NLRP4: variants seen among roughly 807,000 people sequenced by gnomAD.
The protein encoded by NLRP4 is NACHT, LRR and PYD domains-containing protein 4.
In NLRP4, 44 loss-of-function variants were observed where a neutral mutation model predicts 84.7. The ratio of observed to expected loss-of-function variants is 0.52; its 90% CI spans 0.41 to 0.67. The LOEUF (loss-of-function observed/expected upper bound fraction) is 0.67. Ranked by LOEUF, NLRP4 falls within the 30% of genes least tolerant of loss-of-function variation. The pLI is 0.00. For synonymous variants in NLRP4, 544 were observed against 476.4 expected (o/e 1.14, Z -1.85); for missense variants, 1,260 against 1,219.4 (o/e 1.03, Z -0.50).
At chr19:55,880,974 G>T (rs1381196194) in intron 9 of NLRP4, among the ~76,000 whole-genome samples, 1 of 152,140 alleles carries the variant, frequency 6.6e-6, no homozygotes, top group African/African-American at 2.4e-5. Context: ...CTTTATCTTT[G>T]AAAAAGTAAA....
At position 55,870,839 on chromosome 19, in the gene NLRP4, C is replaced by T. The variant is rs1985148811; in HGVS notation, c.2367C>T (p.Cys789=). ...TTTGTCCCCATAGGTTGGCTTTCTGCCACCTCAGCGAGCAGTGCTGCGAAT... is the reference window on the plus strand; with the variant it reads ...TTTGTCCCCATAGGTTGGCTTTCTGTCACCTCAGCGAGCAGTGCTGCGAAT... ...TVLVYLMLAF[C]HLSEQCCEYI... Residue 789 remains cysteine (C), a synonymous_variant, in exon 7 of 10, where the codon TGC becomes TGT. Coordinates refer to ENST00000301295, the MANE Select transcript of NLRP4 (RefSeq NM_134444.5). 2 of 1,613,140 alleles carry T rather than the reference C, an allele frequency of 1.2e-6. No individual in the cohort carries two copies. Among genetic ancestry groups the T allele is most frequent in the Non-Finnish European group, 1.7e-6 (2 of 1,179,198 alleles).
intron 5 of NLRP4, among the ~76,000 whole-genome samples, 186 bp from the exon 6 acceptor site, chr19:55,867,521 CTG>C (rs1237540920): frequency 6.6e-6 from 1 of 151,508 alleles, no homozygotes; most frequent in Non-Finnish European, 1.5e-5. Flanking sequence ...ATAACTGAGA[CTG>C]TGCATCTCAG....
chr19:55,849,976 T>C (rs373988629), intron 1 of NLRP4, among the ~76,000 whole-genome samples: 1,634 of 118,078 alleles, frequency 0.014, 28 homozygotes, highest in African/African-American at 0.019. Context: ...TTTCCGTAGC[T>C]GCGGTGTAAT....
intron 1 of NLRP4, among the ~76,000 whole-genome samples, chr19:55,841,176 G>A (rs528162699): frequency 6.6e-5 from 10 of 152,116 alleles, no homozygotes; most frequent in African/African-American, 1.9e-4. Context: ...TGAAATATCC[G>A]CCACACTGTT....
Position 55,867,893 on chromosome 19 carries a change from G to A in NLRP4, c.2354+17G>A. On this transcript the variant is annotated intron_variant, in intron 6 of 9. Coordinates refer to ENST00000301295, the MANE Select transcript of NLRP4 (RefSeq NM_134444.5). ...ATACCTGATGTGAGTGGATGTTGGG[G>A]GTGCCTACTGTGGAGGGCCATGGCG... The A allele has an allele frequency of 6.2e-7, 1 of 1,611,434 alleles. No individual in the cohort carries two copies.
chr19:55,877,557 G>C (rs1349524289), intron 8 of NLRP4, among the ~76,000 whole-genome samples: 1 of 152,170 alleles, frequency 6.6e-6, no homozygotes. Flanking sequence ...ATCTGTATCA[G>C]TTTGCCAGGG....
intron 1 of NLRP4, 44 bp from the exon 2 acceptor site, chr19:55,851,971 TC>T (rs1161493272): frequency 1.3e-5 from 10 of 791,654 alleles, no homozygotes; most frequent in Non-Finnish European, 1.9e-5. Flanking sequence ...GTAATCTTGA[TC>T]CATTTATTTG....
rs1427686455 is a variant in NLRP4 at position 55,852,274 on chromosome 19, A to C, written c.194A>C (p.Glu65Ala). 2 of 1,606,914 alleles carry C rather than the reference A, an allele frequency of 1.2e-6. No individual in the cohort carries two copies. The highest frequency in any genetic ancestry group is 8.5e-7 in the Non-Finnish European group (1 of 1,177,542). The change falls in exon 2 of 10, where the codon GAA becomes GCA. Residue 65 changes from glutamate to alanine, a missense_variant. Transcript: ENST00000301295. ...AACCTCTTGATCAAGCACTATGAAGAACAACAAGCTTGGAACATAACCTTA... is the reference window on the plus strand; with the variant it reads ...AACCTCTTGATCAAGCACTATGAAGCACAACAAGCTTGGAACATAACCTTA... Reference protein sequence around the residue: ...LANLLIKHYEEQQAWNITLRI... With the variant: ...LANLLIKHYEAQQAWNITLRI...
At chr19:55,837,251 T>G (rs1983364399) in intron 1 of NLRP4, among the ~76,000 whole-genome samples, 3 of 152,104 alleles carry the variant, frequency 2.0e-5, no homozygotes, top group Admixed American at 2.0e-4. Flanking sequence ...AAAAGATAGC[T>G]ATGGGGTCCT....
intron 1 of NLRP4, among the ~76,000 whole-genome samples, chr19:55,837,989 T>C (rs1416906643): frequency 6.8e-6 from 1 of 147,888 alleles, no homozygotes; most frequent in Non-Finnish European, 1.5e-5. Context: ...TGTGCCGAGA[T>C]TGCACCATTG....
intron 1 of NLRP4, among the ~76,000 whole-genome samples, chr19:55,840,361 T>TGG (rs1484286484): frequency 1.3e-5 from 2 of 151,140 alleles, no homozygotes; most frequent in East Asian, 3.9e-4. Flanking sequence ...TGTGTGTGTG[T>TGG]GTGTGTGTGT....
rs945498931 is a variant in NLRP4, at chr19:55,851,679, C to T, written c.-65-337C>T. ...GGCTGCGGTGTAATGTCCGAGGCTG[C>T]GGTGTAATGTCCGAGGCTGCGGTGT... On this transcript the variant is annotated intron_variant, in intron 1 of 9. Transcript: ENST00000301295. Among the ~76,000 whole-genome samples the T allele has an allele frequency of 3.4e-5, 5 of 148,152 alleles. No homozygotes were observed. The East Asian group carries it at 6.2e-4, about 18-fold the overall frequency.
intron 1 of NLRP4, among the ~76,000 whole-genome samples, chr19:55,843,552 C>T (rs1344771822): frequency 1.3e-5 from 2 of 151,822 alleles, no homozygotes; most frequent in African/African-American, 2.4e-5. Context: ...ATTAGCCAGG[C>T]GTGGTGATGG....
At chr19:55,865,215 A>C (rs1381679922) in intron 5 of NLRP4, among the ~76,000 whole-genome samples, 1 of 152,104 alleles carries the variant, frequency 6.6e-6, no homozygotes. Flanking sequence ...TTTAGCGTCC[A>C]CTTATAAGTG....
intron 7 of NLRP4, among the ~76,000 whole-genome samples, chr19:55,876,737 T>C (rs1432888495): frequency 6.6e-6 from 1 of 152,216 alleles, no homozygotes; most frequent in Non-Finnish European, 1.5e-5. Flanking sequence ...CTGTGATATG[T>C]AATACAATGT....
At chr19:55,863,035 A>G (rs1984823573) in intron 5 of NLRP4, among the ~76,000 whole-genome samples, 1 of 152,252 alleles carries the variant, frequency 6.6e-6, no homozygotes, top group Admixed American at 6.5e-5. Context: ...GACAGGCACT[A>G]AAGCATTCCC....
At chr19:55,866,388 G>A (rs1050042462) in intron 5 of NLRP4, among the ~76,000 whole-genome samples, 1 of 152,222 alleles carries the variant, frequency 6.6e-6, no homozygotes, top group Non-Finnish European at 1.5e-5. Context: ...TGGCCTCAGA[G>A]CCCTGCTGCA....
At chr19:55,839,739 G>A (rs1983536052) in intron 1 of NLRP4, among the ~76,000 whole-genome samples, 1 of 152,032 alleles carries the variant, frequency 6.6e-6, no homozygotes, top group African/African-American at 2.4e-5. Context: ...ACAGAGTCTT[G>A]TATTTTAATT....
At position 55,877,258 on chromosome 19, in the gene NLRP4, A is replaced by T. The variant is rs1382248071; in HGVS notation, c.2696+92A>T. The T allele has an allele frequency of 5.2e-6, 6 of 1,163,796 alleles. No individual in the cohort carries two copies. The African/African-American group carries it at 6.1e-5, about 12-fold the overall frequency. 72.1% of individuals were successfully genotyped at this position (1,163,796 alleles called of 1,614,324 possible). A position where few individuals can be genotyped will look rare whatever the true frequency, so the allele number is the denominator to read the frequency against. On this transcript the variant is annotated intron_variant, in intron 8 of 9. Coordinates refer to ENST00000301295, the MANE Select transcript of NLRP4 (RefSeq NM_134444.5). ...AGAGAAAGATGAAAACTCCAACAGG[A>T]CCACATAGCAGCTAGCTGTGGTTGC...
Sources: gnomAD v4.1 joint callset for allele counts (sites outside exome capture counted in the v4.1 genomes callset) on GRCh38, gnomAD v4.1.1 for gene constraint, MANE v1.5 for transcripts, NCBI Gene and HGNC (gene_info 2026-07-23, HGNC 2026-07-21) for gene names.